Variants in GUCY1B1 observed in about 807,000 individuals in gnomAD.
GUCY1B1 encodes guanylate cyclase soluble subunit beta-1.
In GUCY1B1, 43 loss-of-function variants were observed where a neutral mutation model predicts 71.0. The ratio of observed to expected loss-of-function variants is 0.61; its 90% CI spans 0.47 to 0.78. The LOEUF is 0.78. Ranked by LOEUF, GUCY1B1 falls within the 30% of genes least tolerant of loss-of-function variation. The pLI is 0.00. For missense variants in GUCY1B1, 535 were observed against 754.1 expected (o/e 0.71, Z 3.40); for synonymous variants, 266 against 259.7 (o/e 1.02, Z -0.23).
chr4:155,797,772 AT>A (rs1388090475), intron 8 of GUCY1B1, among the ~76,000 whole-genome samples: 1 of 149,654 alleles, frequency 6.7e-6, no homozygotes, highest in Admixed American at 6.7e-5. Context: ...TATATCGTTA[AT>A]TTTTAAGTAC....
chr4:155,785,352 T>C, intron 4 of GUCY1B1: 4 of 1,199,294 alleles, frequency 3.3e-6, no homozygotes, highest in Non-Finnish European at 4.7e-6. Context: ...ATTTTTTCAG[T>C]GTCTTTTTTA....
At chr4:155,773,181 A>G (rs958513599) in intron 2 of GUCY1B1, among the ~76,000 whole-genome samples, 9 of 152,338 alleles carry the variant, frequency 5.9e-5, no homozygotes, top group Admixed American at 3.9e-4. Context: ...TCCAAGCTCC[A>G]TGTATTTTTG....
chr4:155,783,631 G>A (rs1048132475), intron 4 of GUCY1B1, among the ~76,000 whole-genome samples: 8 of 152,094 alleles, frequency 5.3e-5, no homozygotes, highest in South Asian at 2.1e-4. Context: ...TTGGCTCCAG[G>A]TTTTGACTTA....
chr4:155,777,300 GC>G (rs1738118823), intron 3 of GUCY1B1, among the ~76,000 whole-genome samples: 1 of 152,112 alleles, frequency 6.6e-6, no homozygotes. Context: ...AAAACTGGTT[GC>G]TTTGCTTGTA....
At chr4:155,778,260 T>G (rs952097271) in intron 4 of GUCY1B1, among the ~76,000 whole-genome samples, 7 of 152,258 alleles carry the variant, frequency 4.6e-5, no homozygotes, top group Admixed American at 6.5e-5. Flanking sequence ...TCTTACATTC[T>G]TGTTAAAATT....
At chr4:155,806,182 G>T (rs1031424108) in intron 13 of GUCY1B1, among the ~76,000 whole-genome samples, 1 of 152,118 alleles carries the variant, frequency 6.6e-6, no homozygotes, top group Admixed American at 6.6e-5. Context: ...ATGTTCTTCT[G>T]ATAAACTAAG....
At chr4:155,774,881 C>T (rs1274684121) in intron 2 of GUCY1B1, 87 bp from the exon 3 acceptor site, 1 of 787,402 alleles carries the variant, frequency 1.3e-6, no homozygotes, top group Non-Finnish European at 2.1e-6. Context: ...AGAGATAAAG[C>T]CATTGTTTAT....
chr4:155,763,715 T>A (rs781675613), intron 2 of GUCY1B1, among the ~76,000 whole-genome samples: 1 of 152,178 alleles, frequency 6.6e-6, no homozygotes, highest in Non-Finnish European at 1.5e-5. Context: ...ATCATTATGG[T>A]TCAAATAAGG....
intron 6 of GUCY1B1, 149 bp downstream of exon 6, chr4:155,794,235 A>G: frequency 1.8e-6 from 1 of 554,054 alleles, no homozygotes. Flanking sequence ...TTAATTGTGA[A>G]CTAAGTGTAT....
At chr4:155,793,129 G>T (rs191980167) in intron 5 of GUCY1B1, among the ~76,000 whole-genome samples, 3 of 152,050 alleles carry the variant, frequency 2.0e-5, no homozygotes, top group Non-Finnish European at 2.9e-5. Context: ...AGGCTGGAAT[G>T]CAATGGCATG....
intron 10 of GUCY1B1, 51 bp from the exon 11 acceptor site, chr4:155,803,572 GA>G: frequency 1.6e-6 from 2 of 1,287,984 alleles, no homozygotes; most frequent in Non-Finnish European, 2.0e-6. Context: ...GGTAATAAAT[GA>G]AACAGTCTTT....
chr4:155,803,665 A>C lies in GUCY1B1; in HGVS notation c.1455A>C (p.Leu485Phe). Residue 485 changes from leucine (L) to phenylalanine (F), a missense_variant, in exon 11 of 14, where the codon TTA becomes TTC. Leu to Phe is a conservative substitution (Grantham distance 22). Coordinates refer to ENST00000264424, the MANE Select transcript of GUCY1B1 (RefSeq NM_000857.5). ...ACAAGTATATGACAGTGAGTGGTTT[A>C]CCAGAGCCATGCATTCACCATGCAC... Reference protein sequence around the residue: ...VGDKYMTVSGLPEPCIHHARS... With the variant: ...VGDKYMTVSGFPEPCIHHARS... 6.2e-7 allele frequency: 1 copy of C among 1,606,266 alleles called. No homozygotes were observed. Among genetic ancestry groups the C allele is most frequent in the Non-Finnish European group, 8.5e-7 (1 of 1,175,988 alleles).
In GUCY1B1 at chr4:155,796,435, T is replaced by G; in HGVS notation, c.902T>G (p.Ile301Ser). The G allele has an allele frequency of 1.9e-6, 3 of 1,612,162 alleles. No homozygotes were observed. The highest frequency in any genetic ancestry group is 2.5e-6 in the Non-Finnish European group (3 of 1,178,208). Residue 301 changes from isoleucine (I) to serine (S), a missense_variant, in exon 8 of 14, where the codon ATC becomes AGC. Coordinates refer to ENST00000264424, the MANE Select transcript of GUCY1B1 (RefSeq NM_000857.5). ...GAGGATGAACTGACTGGGACTGAGATCAGCTGCTTACGTCTCAAGGGTCAA... is the reference window on the plus strand; with the variant it reads ...GAGGATGAACTGACTGGGACTGAGAGCAGCTGCTTACGTCTCAAGGGTCAA... ...ECEDELTGTE[I>S]SCLRLKGQMI...
rs770462602 is a variant in GUCY1B1, at chr4:155,774,986, TGAA to T, written c.101_103del (p.Glu34del). On this transcript the variant is annotated inframe_deletion, in exon 3 of 14. Coordinates refer to ENST00000264424, the MANE Select transcript of GUCY1B1 (RefSeq NM_000857.5). ...TTTCCAGAAAAGAGGCACAGTTAGATGAAGAAGGACAGTTTCTTGTCAGAATAA... is the reference window on the plus strand; with the variant it reads ...TTTCCAGAAAAGAGGCACAGTTAGATGAAGGACAGTTTCTTGTCAGAATAA... 6 of 1,587,536 alleles carry T rather than the reference TGAA, an allele frequency of 3.8e-6. No individual in the cohort carries two copies. The South Asian group carries it at 6.6e-5, about 18-fold the overall frequency.
At chr4:155,784,985 C>T (rs1488171127) in intron 4 of GUCY1B1, among the ~76,000 whole-genome samples, 1 of 152,050 alleles carries the variant, frequency 6.6e-6, no homozygotes, top group African/African-American at 2.4e-5. Context: ...GTGAAGTGTA[C>T]TATGTCTGAA....
intron 4 of GUCY1B1, among the ~76,000 whole-genome samples, chr4:155,787,168 G>T (rs1195528308): frequency 6.6e-6 from 1 of 152,104 alleles, no homozygotes; most frequent in African/African-American, 2.4e-5. Flanking sequence ...TAATGAGAAT[G>T]ATTCATCATT....
intron 2 of GUCY1B1, among the ~76,000 whole-genome samples, chr4:155,773,955 G>T (rs1339474643): frequency 6.6e-6 from 1 of 152,116 alleles, no homozygotes; most frequent in Admixed American, 6.5e-5. Flanking sequence ...CCAAAGTGCT[G>T]GGATTACAGG....
chr4:155,795,584 C>A, intron 7 of GUCY1B1, 127 bp downstream of exon 7: 1 of 524,792 alleles, frequency 1.9e-6, no homozygotes. Context: ...AAAGGAAGAT[C>A]TATTTAAAAG....
intron 13 of GUCY1B1, 95 bp from the exon 14 acceptor site, chr4:155,806,291 G>A (rs1740307643): frequency 5.2e-6 from 4 of 765,004 alleles, no homozygotes; most frequent in Non-Finnish European, 8.9e-6. Context: ...TGTGAACGTG[G>A]ATCACACTCT....
Sources: allele counts gnomAD v4.1 joint callset (sites outside exome capture counted in the v4.1 genomes callset), GRCh38; gene constraint gnomAD v4.1.1; transcripts MANE v1.5; gene names NCBI Gene and HGNC (gene_info 2026-07-23, HGNC 2026-07-21).